The following UNC13C variants were observed in gnomAD, a reference collection of about 807,000 sequenced individuals.
UNC13C encodes protein unc-13 homolog C.
Under a neutral mutation model 245.4 loss-of-function variants are expected in UNC13C, and 174 were observed. The observed-to-expected ratio is 0.71, with a 90% CI of 0.63 to 0.80. The LOEUF (loss-of-function observed/expected upper bound fraction) is 0.80, where lower values mean the gene tolerates loss of function less well. Ranked by LOEUF, UNC13C falls within the 30% of genes least tolerant of loss-of-function variation. UNC13C has a pLI of 0.00. For synonymous variants in UNC13C, 992 were observed against 895.1 expected (o/e 1.11, Z -1.93); for missense variants, 2,829 against 2,602.9 (o/e 1.09, Z -1.89).
chr15:53,916,288 G>C, the UNC13C span, among the ~76,000 whole-genome samples: 1 of 152,190 alleles, frequency 6.6e-6, no homozygotes. Flanking sequence ...AGATTTTCAG[G>C]TCAATAGGAA....
At chr15:54,479,608 T>C (rs1268709633) in intron 19 of UNC13C, among the ~76,000 whole-genome samples, 4 of 152,152 alleles carry the variant, frequency 2.6e-5, no homozygotes, top group Non-Finnish European at 1.5e-5. Context: ...TCCTGTCATT[T>C]TGTTATTTGT....
At chr15:54,301,794 G>A (rs2037590350) in intron 13 of UNC13C, among the ~76,000 whole-genome samples, 1 of 152,014 alleles carries the variant, frequency 6.6e-6, no homozygotes, top group Admixed American at 6.6e-5. Context: ...AATCCTTTGG[G>A]TATATATCTA....
At chr15:53,863,032 A>T in the UNC13C span, among the ~76,000 whole-genome samples, 2 of 152,190 alleles carry the variant, frequency 1.3e-5, no homozygotes, top group East Asian at 3.8e-4. Flanking sequence ...GGGAGACTGT[A>T]GGTATGATTC....
intron 17 of UNC13C, among the ~76,000 whole-genome samples, chr15:54,372,106 CA>C (rs770761701): frequency 1.3e-5 from 2 of 151,700 alleles, no homozygotes; most frequent in Non-Finnish European, 2.9e-5. Context: ...GTTCTCAGCA[CA>C]AAAAAGCATT....
the UNC13C span, among the ~76,000 whole-genome samples, chr15:53,960,079 G>A: frequency 1.3e-5 from 2 of 152,106 alleles, no homozygotes; most frequent in East Asian, 3.9e-4. Flanking sequence ...GAGACACTAA[G>A]GAGATATGCT....
At chr15:54,615,185 C>A (rs952509094) in intron 30 of UNC13C, among the ~76,000 whole-genome samples, 19 of 151,990 alleles carry the variant, frequency 1.3e-4, no homozygotes, top group African/African-American at 3.9e-4. Context: ...ACATCTATCT[C>A]CTCAAGCATT....
At chr15:54,368,807 G>A (rs1054422647) in intron 17 of UNC13C, among the ~76,000 whole-genome samples, 3 of 152,224 alleles carry the variant, frequency 2.0e-5, no homozygotes, top group Admixed American at 6.5e-5. Flanking sequence ...TGCAATAAAT[G>A]TCTATCATGA....
At chr15:54,373,022 C>G (rs962279886) in intron 17 of UNC13C, among the ~76,000 whole-genome samples, 3 of 152,160 alleles carry the variant, frequency 2.0e-5, no homozygotes, top group Non-Finnish European at 4.4e-5. Context: ...GCTGACTCAG[C>G]CAGTCCTCTG....
the UNC13C span, among the ~76,000 whole-genome samples, chr15:53,882,613 T>C: frequency 6.6e-6 from 1 of 152,168 alleles, no homozygotes; most frequent in South Asian, 2.1e-4. Flanking sequence ...AAATGAAGCA[T>C]AATTTACATT....
At chr15:54,136,946 C>G (rs957558886) in intron 2 of UNC13C, among the ~76,000 whole-genome samples, 1 of 152,024 alleles carries the variant, frequency 6.6e-6, no homozygotes, top group Admixed American at 6.6e-5. Flanking sequence ...AATCAGTCCT[C>G]CCATCTCAGC....
intron 30 of UNC13C, among the ~76,000 whole-genome samples, chr15:54,602,439 C>T (rs1190124981): frequency 1.3e-5 from 2 of 152,126 alleles, no homozygotes; most frequent in Non-Finnish European, 2.9e-5. Context: ...TTTCAGTGGC[C>T]ACCATAGTTC....
intron 30 of UNC13C, among the ~76,000 whole-genome samples, chr15:54,577,204 C>A (rs1897991343): frequency 6.6e-6 from 1 of 151,688 alleles, no homozygotes; most frequent in Admixed American, 6.6e-5. Flanking sequence ...AAAAAGACTA[C>A]TTTTTTTTGG....
At chr15:54,537,801 C>G (rs955655079) in intron 26 of UNC13C, among the ~76,000 whole-genome samples, 2 of 151,974 alleles carry the variant, frequency 1.3e-5, no homozygotes, top group Non-Finnish European at 2.9e-5. Context: ...AAGATTAAAA[C>G]TGGACCCTTT....
intron 4 of UNC13C, among the ~76,000 whole-genome samples, chr15:54,199,932 A>G (rs376528897): frequency 7.2e-5 from 11 of 152,136 alleles, no homozygotes; most frequent in South Asian, 4.1e-4. Flanking sequence ...AGTTTTTGCT[A>G]TTTTCAGGAG....
chr15:54,085,680 C>A (rs1429341481), intron 2 of UNC13C, among the ~76,000 whole-genome samples: 1 of 152,126 alleles, frequency 6.6e-6, no homozygotes, highest in Admixed American at 6.5e-5. Context: ...TCCCTGCCCT[C>A]AAGTGATCCT....
At chr15:54,459,188 C>T (rs924165332) in intron 19 of UNC13C, among the ~76,000 whole-genome samples, 4 of 152,142 alleles carry the variant, frequency 2.6e-5, no homozygotes, top group South Asian at 2.1e-4. Context: ...TGGCTGATAA[C>T]TATTTTGTTA....
chr15:54,151,802 C>T (rs553925620), intron 4 of UNC13C, among the ~76,000 whole-genome samples: 1 of 152,312 alleles, frequency 6.6e-6, no homozygotes, highest in East Asian at 1.9e-4. Flanking sequence ...GACAACTTTC[C>T]TTTAGCCAGT....
intron 19 of UNC13C, among the ~76,000 whole-genome samples, chr15:54,461,276 G>A (rs1159879893): frequency 6.6e-6 from 1 of 152,068 alleles, no homozygotes; most frequent in Non-Finnish European, 1.5e-5. Context: ...GACACTCAAG[G>A]GAAATGCTCA....
chr15:54,574,796 TAA>T (rs1363018552), intron 30 of UNC13C, among the ~76,000 whole-genome samples: 7 of 152,232 alleles, frequency 4.6e-5, no homozygotes, highest in Admixed American at 2.0e-4. Context: ...CTGCTTATTT[TAA>T]GTTTCTTAAC....
Sources: allele counts gnomAD v4.1 joint callset (sites outside exome capture counted in the v4.1 genomes callset), GRCh38; gene constraint gnomAD v4.1.1; transcripts MANE v1.5; gene names NCBI Gene and HGNC (gene_info 2026-07-23, HGNC 2026-07-21).